ITGA8: variants seen among roughly 807,000 people sequenced by gnomAD.
ITGA8 encodes the protein integrin subunit alpha 8.
Under a neutral mutation model 142.3 loss-of-function variants are expected in ITGA8, and 91 were observed. The observed-to-expected ratio is 0.64, with a 90% CI of 0.54 to 0.76. The LOEUF (loss-of-function observed/expected upper bound fraction) is 0.76, where lower values mean the gene tolerates loss of function less well. Ranked by LOEUF, ITGA8 falls within the 30% of genes least tolerant of loss-of-function variation. ITGA8 has a pLI of 0.00. For synonymous variants in ITGA8, 505 were observed against 485.2 expected, an observed-to-expected ratio of 1.04 and a Z score of -0.54; for missense variants, 1,406 against 1,327.7, an observed-to-expected ratio of 1.06 and a Z score of -0.92.
chr10:15,554,392 A>G (rs576835141), intron 26 of ITGA8, among the ~76,000 whole-genome samples: 1 of 152,308 alleles, frequency 6.6e-6, no homozygotes, highest in South Asian at 2.1e-4. Context: ...TATGGATTAC[A>G]AAAAATAATG....
chr10:15,606,239 GA>G (rs1216481776), intron 18 of ITGA8, 45 bp downstream of exon 18: 2 of 1,547,676 alleles, frequency 1.3e-6, no homozygotes, highest in African/African-American at 2.7e-5. Context: ...CAACACCCCA[GA>G]GAGCTTGCTT....
Position 15,623,888 on chromosome 10 carries a change from C to T in ITGA8, c.1400-7329G>A, listed in dbSNP as rs77045846. Among the ~76,000 whole-genome samples the T allele has an allele frequency of 6.6e-5, 10 of 152,236 alleles. No homozygotes were observed. The East Asian group carries it at 1.5e-3, about 24-fold the overall frequency. On this transcript the variant is annotated intron_variant, in intron 13 of 29. Transcript: ENST00000378076. Reference sequence around the variant, plus strand: ...GCCAAGCCTGACCTGTCTCCTAACCCCTGGACTCCACTAATCTATTTTCCA... The same window carrying T: ...GCCAAGCCTGACCTGTCTCCTAACCTCTGGACTCCACTAATCTATTTTCCA...
At position 15,576,891 on chromosome 10, in the gene ITGA8, G is replaced by A. The variant is rs9333273; in HGVS notation, c.2373-1297C>T. Among the ~76,000 whole-genome samples, 1,406 of 152,258 alleles carry A rather than the reference G, an allele frequency of 9.2e-3. 17 individuals are homozygous for A. Among genetic ancestry groups the A allele is most frequent in the Non-Finnish European group, 0.017 (1,150 of 68,026 alleles). On this transcript the variant is annotated intron_variant, in intron 23 of 29. Transcript: ENST00000378076. ...ACTGTGCAATGTTAAGAAGAACAGG[G>A]CACAACTTTGCTGGGCTGATACCAC...
chr10:15,672,666 G>C lies in ITGA8; in HGVS notation c.760C>G (p.Gln254Glu). The change falls in exon 7 of 30, where the codon CAG becomes GAG. Residue 254 changes from glutamine to glutamate, a missense_variant. Physicochemically the swap from Gln to Glu is conservative, Grantham distance 29. Transcript: ENST00000378076. Reference sequence around the variant, plus strand: ...TAGGAAGCTGGAGCCACTTCCGTCTGCTTTTCTCCTGCCAGTTTCCTGAGG... The same window carrying C: ...TAGGAAGCTGGAGCCACTTCCGTCTCCTTTTCTCCTGCCAGTTTCCTGAGG... Reference protein sequence around the residue: ...DILRKLAGEKQTEVAPASYDD... With the variant: ...DILRKLAGEKETEVAPASYDD... 1 of 1,613,798 alleles carries C rather than the reference G, an allele frequency of 6.2e-7. No individual in the cohort carries two copies. Among genetic ancestry groups the C allele is most frequent in the Admixed American group, 1.7e-5 (1 of 59,976 alleles).
intron 8 of ITGA8, among the ~76,000 whole-genome samples, chr10:15,665,672 C>A (rs1237760362): frequency 6.6e-6 from 1 of 152,166 alleles, no homozygotes; most frequent in Non-Finnish European, 1.5e-5. Context: ...AGTCTTTAAT[C>A]CATCTTGAAT....
intron 2 of ITGA8, among the ~76,000 whole-genome samples, chr10:15,694,377 T>TCA (rs1166654384): frequency 2.5e-5 from 3 of 121,858 alleles, no homozygotes; most frequent in African/African-American, 9.7e-5. Context: ...ATATCATATA[T>TCA]GATAATATAT....
intron 25 of ITGA8, among the ~76,000 whole-genome samples, chr10:15,564,220 C>A (rs558846721): frequency 1.3e-5 from 2 of 152,328 alleles, no homozygotes; most frequent in South Asian, 4.1e-4. Flanking sequence ...TGCAAACCAG[C>A]TTTCTGAAAT....
At chr10:15,620,214 T>C (rs1833463660) in intron 13 of ITGA8, among the ~76,000 whole-genome samples, 1 of 152,034 alleles carries the variant, frequency 6.6e-6, no homozygotes, top group African/African-American at 2.4e-5. Context: ...CTAAAGATAC[T>C]AGAGATGAAG....
intron 25 of ITGA8, among the ~76,000 whole-genome samples, chr10:15,561,979 A>C (rs12411689): frequency 0.39 from 59,024 of 152,014 alleles, 12,020 homozygotes; most frequent in African/African-American, 0.5. Flanking sequence ...AGGAGAGGAA[A>C]TACCAGACAC....
chr10:15,674,486 G>A (rs763149769), intron 6 of ITGA8, among the ~76,000 whole-genome samples: 9 of 152,136 alleles, frequency 5.9e-5, no homozygotes, highest in Non-Finnish European at 1.2e-4. Flanking sequence ...AAAACCTTCC[G>A]TAAATATAAT....
chr10:15,682,555 C>G (rs750830660), intron 4 of ITGA8, among the ~76,000 whole-genome samples: 28 of 151,994 alleles, frequency 1.8e-4, no homozygotes, highest in Non-Finnish European at 3.7e-4. Context: ...CACTAAAAGC[C>G]ATCAGGTTAA....
chr10:15,646,742 A>G (rs1833987005), intron 12 of ITGA8, 104 bp downstream of exon 12: 2 of 739,462 alleles, frequency 2.7e-6, no homozygotes, highest in Admixed American at 2.7e-5. Context: ...CAGTAATAAT[A>G]ACTGCACCCA....
At chr10:15,652,715 T>C (rs1834110503) in intron 11 of ITGA8, among the ~76,000 whole-genome samples, 1 of 152,228 alleles carries the variant, frequency 6.6e-6, no homozygotes, top group African/African-American at 2.4e-5. Flanking sequence ...GCTTTCAGGA[T>C]AAGATTGACA....
In ITGA8 at chr10:15,604,473, G is replaced by C. The variant is rs915361060; in HGVS notation, c.1971-118C>G. 9.7e-6 allele frequency: 7 copies of C among 724,668 alleles called. No homozygotes were observed. In the Admixed American group the frequency reaches 9.9e-5, roughly 10 times the overall value. The allele number at this position is 724,668 out of a possible 1,614,324, so 44.9% of individuals were successfully genotyped here. A position where few individuals can be genotyped will look rare whatever the true frequency, so the allele number is the denominator to read the frequency against. On this transcript the variant is annotated intron_variant, in intron 19 of 29. Coordinates refer to ENST00000378076, the MANE Select transcript of ITGA8 (RefSeq NM_003638.3). ...ATGGCAAGTGCAAAAAAAGAAGATG[G>C]ACCATCATGAAGAGATGGTAGGAAG...
At chr10:15,624,107 G>A (rs1833540317) in intron 13 of ITGA8, among the ~76,000 whole-genome samples, 1 of 152,154 alleles carries the variant, frequency 6.6e-6, no homozygotes, top group Non-Finnish European at 1.5e-5. Context: ...GGTTTTTCCA[G>A]TTTTTGCAAA....
chr10:15,660,890 T>G lies in ITGA8; in HGVS notation c.880A>C (p.Asn294His). 1.2e-6 allele frequency: 2 copies of G among 1,613,712 alleles called. No individual in the cohort carries two copies. The highest frequency in any genetic ancestry group is 1.7e-6 in the Non-Finnish European group (2 of 1,179,772). ...LVAGIPRGAQNFGYVSIINST... is the reference protein window; with the variant it reads ...LVAGIPRGAQHFGYVSIINST... ...TTCTCAGTACTCACATATCCAAAATTCTGTGCTCCTCTTGGAATTCCAGCA... is the reference window on the plus strand; with the variant it reads ...TTCTCAGTACTCACATATCCAAAATGCTGTGCTCCTCTTGGAATTCCAGCA... Residue 294 changes from asparagine (N) to histidine (H), a missense_variant, in exon 9 of 30, where the codon AAT (asparagine) becomes CAT (histidine). Asn to His is a moderately conservative substitution (Grantham distance 68). Transcript: ENST00000378076.
chr10:15,697,143 CAAAAA>C (rs1835068648), intron 2 of ITGA8, among the ~76,000 whole-genome samples: 2 of 151,646 alleles, frequency 1.3e-5, no homozygotes, highest in South Asian at 4.2e-4. Flanking sequence ...ATAAGGGACT[CAAAAA>C]GAAACATCTG....
intron 4 of ITGA8, among the ~76,000 whole-genome samples, chr10:15,681,620 G>A (rs1286630681): frequency 3.9e-5 from 6 of 152,196 alleles, no homozygotes; most frequent in Admixed American, 1.3e-4. Context: ...TCCCACACAG[G>A]TAGTCTGGCA....
At chr10:15,574,689 G>A (rs973564613) in intron 24 of ITGA8, among the ~76,000 whole-genome samples, 7 of 147,580 alleles carry the variant, frequency 4.7e-5, no homozygotes, top group East Asian at 2.0e-4. Flanking sequence ...ACACCCGGGC[G>A]CTTTTATATA....
Sources: allele counts gnomAD v4.1 joint callset (sites outside exome capture counted in the v4.1 genomes callset), GRCh38; gene constraint gnomAD v4.1.1; transcripts MANE v1.5; gene names NCBI Gene and HGNC (gene_info 2026-07-23, HGNC 2026-07-21).